Variants in BMPR1B observed in about 807,000 individuals in gnomAD.
BMPR1B encodes the protein bone morphogenetic protein receptor type 1B, also known as bone morphogenetic protein receptor type-1B.
BMPR1B carries 12 observed loss-of-function variants against 59.1 expected under a neutral mutation model. That is an observed-to-expected ratio of 0.20 (90% CI 0.13 to 0.33). The LOEUF (loss-of-function observed/expected upper bound fraction) is 0.33, where lower values mean the gene tolerates loss of function less well. Among genes scored for constraint, BMPR1B ranks in the 10% least tolerant of loss-of-function variants. The pLI, the probability that BMPR1B is intolerant of heterozygous loss-of-function variation, is 1.00. For synonymous variants in BMPR1B, 237 were observed against 207.3 expected, an observed-to-expected ratio of 1.14 and a Z score of -1.23; for missense variants, 550 against 610.9, an observed-to-expected ratio of 0.90 and a Z score of 1.05.
chr4:94,786,125 T>C (rs904734028), intron 1 of BMPR1B, among the ~76,000 whole-genome samples: 21 of 152,188 alleles, frequency 1.4e-4, no homozygotes, highest in African/African-American at 4.8e-4. Context: ...TCGGGTATTA[T>C]GGAAACATTT....
intron 3 of BMPR1B, among the ~76,000 whole-genome samples, chr4:94,998,655 G>A (rs1722234199): frequency 6.6e-6 from 1 of 152,026 alleles, no homozygotes; most frequent in African/African-American, 2.4e-5. Context: ...TTACAGGTGT[G>A]AGCCACCACG....
intron 3 of BMPR1B, among the ~76,000 whole-genome samples, chr4:95,032,880 T>C (rs13111378): frequency 0.27 from 41,814 of 152,066 alleles, 6,503 homozygotes; most frequent in South Asian, 0.43. Flanking sequence ...CTTTCAAGTC[T>C]TAATTTTTGA....
At chr4:94,823,407 G>T (rs1395841961) in intron 1 of BMPR1B, among the ~76,000 whole-genome samples, 7 of 152,188 alleles carry the variant, frequency 4.6e-5, no homozygotes, top group Non-Finnish European at 1.5e-5. Context: ...GGGTGGATAT[G>T]TATGAGTTAT....
At chr4:95,082,824 G>A (rs892016287) in intron 3 of BMPR1B, among the ~76,000 whole-genome samples, 1 of 151,918 alleles carries the variant, frequency 6.6e-6, no homozygotes, top group African/African-American at 2.4e-5. Flanking sequence ...GGATCACGAG[G>A]TCAGGAGATT....
intron 1 of BMPR1B, among the ~76,000 whole-genome samples, chr4:94,779,239 A>G (rs879709441): frequency 7.9e-5 from 12 of 152,078 alleles, no homozygotes; most frequent in Non-Finnish European, 1.2e-4. Context: ...TATTGTCCAA[A>G]TGCAATTTAT....
intron 10 of BMPR1B, among the ~76,000 whole-genome samples, chr4:95,134,438 A>G (rs1454839785): frequency 4.6e-5 from 7 of 152,186 alleles, no homozygotes; most frequent in African/African-American, 1.4e-4. Flanking sequence ...TTGAGGAATC[A>G]CCACACTGTC....
At chr4:95,144,991 T>G (rs1734539447) in intron 10 of BMPR1B, among the ~76,000 whole-genome samples, 1 of 152,176 alleles carries the variant, frequency 6.6e-6, no homozygotes, top group Non-Finnish European at 1.5e-5. Context: ...TCCTGCTGGG[T>G]TCTTTTAACT....
chr4:94,998,631 CCA>C (rs1722232078), intron 3 of BMPR1B, among the ~76,000 whole-genome samples: 2 of 152,110 alleles, frequency 1.3e-5, no homozygotes, highest in Non-Finnish European at 2.9e-5. Context: ...TCTCGGCCTC[CCA>C]AAGTGCTGGG....
chr4:94,912,657 A>G (rs1400553877), intron 2 of BMPR1B, among the ~76,000 whole-genome samples: 1 of 152,182 alleles, frequency 6.6e-6, no homozygotes, highest in East Asian at 1.9e-4. Flanking sequence ...GAAGGTGACC[A>G]CAACACAGCC....
intron 12 of BMPR1B, among the ~76,000 whole-genome samples, chr4:95,153,021 A>T (rs992504208): frequency 2.6e-5 from 4 of 152,184 alleles, no homozygotes; most frequent in Admixed American, 1.3e-4. Context: ...TGCATAACAA[A>T]TAACATTATT....
At chr4:94,869,924 T>A (rs1000650311) in intron 1 of BMPR1B, among the ~76,000 whole-genome samples, 4 of 152,196 alleles carry the variant, frequency 2.6e-5, no homozygotes, top group African/African-American at 7.2e-5. Context: ...ATAACAAGTA[T>A]CTTTTAGACT....
At chr4:94,867,352 T>C (rs2148963737) in intron 1 of BMPR1B, among the ~76,000 whole-genome samples, 1 of 152,336 alleles carries the variant, frequency 6.6e-6, no homozygotes, top group East Asian at 1.9e-4. Flanking sequence ...TTCAATCTCA[T>C]CAAGCTTGGT....
chr4:95,116,421 G>GCGCGCGCCCACACACACACACACACACA, intron 6 of BMPR1B, among the ~76,000 whole-genome samples: 1 of 123,198 alleles, frequency 8.1e-6, no homozygotes, highest in African/African-American at 3.6e-5. Flanking sequence ...TTCAGCGCGC[G>GCGCGCGCCCACACACACACACACACACA]CACACACACA....
intron 10 of BMPR1B, among the ~76,000 whole-genome samples, chr4:95,133,225 C>T (rs1733506245): frequency 6.6e-6 from 1 of 152,140 alleles, no homozygotes; most frequent in Non-Finnish European, 1.5e-5. Context: ...GTTACTTTCT[C>T]TTTGTCTCTC....
chr4:94,863,099 A>G (rs1446966705), intron 1 of BMPR1B, among the ~76,000 whole-genome samples: 1 of 151,936 alleles, frequency 6.6e-6, no homozygotes, highest in East Asian at 1.9e-4. Flanking sequence ...CTGGGCAACA[A>G]GAGTGAGACT....
At chr4:94,970,302 T>TC (rs70946573) in intron 2 of BMPR1B, among the ~76,000 whole-genome samples, 12,130 of 92,682 alleles carry the variant, frequency 0.13, 846 homozygotes, top group Non-Finnish European at 0.17. Flanking sequence ...TTCTCTTCTC[T>TC]TCTTTCTCTC....
chr4:95,065,027 T>C (rs1166677770), intron 3 of BMPR1B, among the ~76,000 whole-genome samples: 1 of 152,152 alleles, frequency 6.6e-6, no homozygotes, highest in African/African-American at 2.4e-5. Context: ...CCTAGGTATA[T>C]ACCGAAGAGA....
intron 2 of BMPR1B, among the ~76,000 whole-genome samples, chr4:94,916,275 C>T (rs900210897): frequency 2.6e-5 from 4 of 152,098 alleles, no homozygotes; most frequent in Non-Finnish European, 4.4e-5. Context: ...ATTTGGAGGA[C>T]TCAGAAGAAG....
intron 3 of BMPR1B, among the ~76,000 whole-genome samples, chr4:95,081,491 G>C (rs1729134856): frequency 6.6e-6 from 1 of 152,178 alleles, no homozygotes; most frequent in Non-Finnish European, 1.5e-5. Flanking sequence ...TCAAGCAAAA[G>C]TTAGGATTTT....
Sources: gnomAD v4.1 joint callset for allele counts (sites outside exome capture counted in the v4.1 genomes callset) on GRCh38, gnomAD v4.1.1 for gene constraint, MANE v1.5 for transcripts, NCBI Gene and HGNC (gene_info 2026-07-23, HGNC 2026-07-21) for gene names.